The following TTC23 variants were observed in gnomAD, a reference collection of about 807,000 sequenced individuals.
TTC23 encodes the protein tetratricopeptide repeat domain 23, also known as tetratricopeptide repeat protein 23.
Under a neutral mutation model 55.1 loss-of-function variants are expected in TTC23, and 58 were observed. The observed-to-expected ratio is 1.05, with a 90% confidence interval of 0.85 to 1.31. The LOEUF (loss-of-function observed/expected upper bound fraction) is 1.31, where lower values mean the gene tolerates loss of function less well. TTC23 is among the 50% of genes most tolerant of loss of function. The probability of loss-of-function intolerance (pLI) is 0.00; values close to 1 mark genes in which losing one functional copy is unlikely to be tolerated. For synonymous variants in TTC23, 203 were observed against 199.9 expected (o/e 1.02, Z -0.13); for missense variants, 516 against 534.4 (o/e 0.97, Z 0.34).
chr15:99,169,104 T>C (rs1303402926), intron 10 of TTC23, among the ~76,000 whole-genome samples: 1 of 152,204 alleles, frequency 6.6e-6, no homozygotes, highest in Non-Finnish European at 1.5e-5. Context: ...CTCACTCCAC[T>C]GCACCCTCAC....
chr15:99,179,313 T>C (rs1409503541), intron 9 of TTC23, among the ~76,000 whole-genome samples: 1 of 152,172 alleles, frequency 6.6e-6, no homozygotes, highest in African/African-American at 2.4e-5. Flanking sequence ...CCTAGATCTA[T>C]TGCCTCCATG....
intron 5 of TTC23, among the ~76,000 whole-genome samples, chr15:99,227,552 C>T (rs2078559931): frequency 6.6e-6 from 1 of 152,196 alleles, no homozygotes; most frequent in African/African-American, 2.4e-5. Context: ...CTGCTCATGG[C>T]ATGCTTCTGC....
chr15:99,208,585 G>C (rs1334732315), intron 8 of TTC23, among the ~76,000 whole-genome samples: 1 of 152,100 alleles, frequency 6.6e-6, no homozygotes, highest in Non-Finnish European at 1.5e-5. Context: ...TGCTGTTGCA[G>C]GCTATTTCAT....
At chr15:99,146,391 G>A (rs939936236) in intron 12 of TTC23, among the ~76,000 whole-genome samples, 3 of 152,150 alleles carry the variant, frequency 2.0e-5, no homozygotes, top group African/African-American at 4.8e-5. Flanking sequence ...AGTCCTTCCC[G>A]AGTCTGTGCT....
chr15:99,152,124 C>T (rs972049990), intron 12 of TTC23, among the ~76,000 whole-genome samples: 1 of 152,174 alleles, frequency 6.6e-6, no homozygotes, highest in Admixed American at 6.5e-5. Context: ...GCTGTCCTCA[C>T]GATAGTGAGT....
chr15:99,161,650 A>T, intron 11 of TTC23, 90 bp downstream of exon 11: 1 of 1,444,826 alleles, frequency 6.9e-7, no homozygotes, highest in East Asian at 2.3e-5. Context: ...TGCACACAGT[A>T]GATGCTTAAT....
At chr15:99,226,216 A>C (rs1448286932) in intron 5 of TTC23, among the ~76,000 whole-genome samples, 1 of 152,248 alleles carries the variant, frequency 6.6e-6, no homozygotes, top group Admixed American at 6.5e-5. Flanking sequence ...ATTAAGAAGA[A>C]ATATAAACAA....
intron 12 of TTC23, among the ~76,000 whole-genome samples, chr15:99,146,940 A>G (rs535919186): frequency 2.6e-5 from 4 of 152,202 alleles, no homozygotes; most frequent in South Asian, 4.1e-4. Context: ...TTTGAGACGG[A>G]GTCTCGCTCT....
intron 5 of TTC23, 92 bp from the exon 6 acceptor site, chr15:99,221,956 C>CATAGTAGTCACTCAGTAT: frequency 1.4e-6 from 2 of 1,425,410 alleles, no homozygotes; most frequent in Non-Finnish European, 1.9e-6. Flanking sequence ...TTGATAAATA[C>CATAGTAGTCACTCAGTAT]TGAGTGACTA....
At chr15:99,231,080 T>C (rs115229380) in intron 4 of TTC23, among the ~76,000 whole-genome samples, 1 of 152,222 alleles carries the variant, frequency 6.6e-6, no homozygotes, top group South Asian at 2.1e-4. Flanking sequence ...CGTAACATCA[T>C]AGCGTAATGC....
chr15:99,216,672 TTAGA>T (rs1483990584), intron 8 of TTC23, among the ~76,000 whole-genome samples: 5 of 152,178 alleles, frequency 3.3e-5, no homozygotes, highest in Non-Finnish European at 7.3e-5. Flanking sequence ...ACTTTAATAA[TTAGA>T]TAGCACGTTA....
chr15:99,157,218 T>G (rs2070725327), intron 11 of TTC23: 3 of 150,394 alleles, frequency 2.0e-5, no homozygotes, highest in Non-Finnish European at 4.4e-5. Flanking sequence ...GAGGTTTTTT[T>G]TTTTTTTTTT....
At chr15:99,184,638 C>T (rs559019635) in intron 9 of TTC23, among the ~76,000 whole-genome samples, 172 of 152,274 alleles carry the variant, frequency 1.1e-3, no homozygotes, top group African/African-American at 3.9e-3. Context: ...AACTAACTTG[C>T]TTTTGATTTT....
At chr15:99,152,713 C>A (rs1341906963) in intron 12 of TTC23, among the ~76,000 whole-genome samples, 1 of 152,072 alleles carries the variant, frequency 6.6e-6, no homozygotes, top group Non-Finnish European at 1.5e-5. Context: ...CCTAATACAC[C>A]ACCTCTTAGG....
rs1042910858 is a variant in TTC23 at position 99,249,553 on chromosome 15, C to A, written c.-813G>T. The stretch of plus-strand genomic sequence containing the variant: ...CTAAAGTAGGGCAGTTCCGGAGCAG[C>A]CTTTTCCCATAAAGCAAGCGGGTAC... On this transcript the variant is annotated 5_prime_UTR_variant, in exon 1 of 14. Coordinates refer to ENST00000394132, the MANE Select transcript of TTC23 (RefSeq NM_001288615.3). 2.0e-5 allele frequency: 3 copies of A among 152,296 alleles called. No homozygotes were observed. The highest frequency in any genetic ancestry group is 2.1e-4 in the South Asian group (1 of 4,826). The allele number at this position is 152,296 out of a possible 1,614,324, so 9.4% of individuals were successfully genotyped here. A position where few individuals can be genotyped will look rare whatever the true frequency, so the allele number is the denominator to read the frequency against.
intron 8 of TTC23, among the ~76,000 whole-genome samples, chr15:99,209,362 G>C (rs1423123270): frequency 1.3e-5 from 2 of 152,176 alleles, no homozygotes; most frequent in African/African-American, 4.8e-5. Context: ...CATGAGAAAA[G>C]AATTACATCT....
chr15:99,239,006 G>A (rs2079548072), intron 3 of TTC23, among the ~76,000 whole-genome samples: 1 of 152,162 alleles, frequency 6.6e-6, no homozygotes, highest in Non-Finnish European at 1.5e-5. Context: ...CTGGATTTCA[G>A]GCTAAGAAGG....
At chr15:99,149,316 C>T (rs1388426280) in intron 12 of TTC23, among the ~76,000 whole-genome samples, 1 of 152,244 alleles carries the variant, frequency 6.6e-6, no homozygotes, top group African/African-American at 2.4e-5. Flanking sequence ...CCCATCATTT[C>T]TCTTGGAGCC....
intron 9 of TTC23, among the ~76,000 whole-genome samples, chr15:99,195,291 A>C (rs2075601139): frequency 6.6e-6 from 1 of 152,224 alleles, no homozygotes; most frequent in African/African-American, 2.4e-5. Context: ...CACCTCACCA[A>C]AGAAGATACA....
Sources: gnomAD v4.1 joint callset for allele counts (sites outside exome capture counted in the v4.1 genomes callset) on GRCh38, gnomAD v4.1.1 for gene constraint, MANE v1.5 for transcripts, NCBI Gene and HGNC (gene_info 2026-07-23, HGNC 2026-07-21) for gene names.